CFAP77: variants seen among roughly 807,000 people sequenced by gnomAD.
CFAP77 encodes the protein cilia- and flagella-associated protein 77.
In CFAP77, 25 loss-of-function variants were observed where a neutral mutation model predicts 31.1. That is an observed-to-expected ratio of 0.80 (90% CI 0.59 to 1.12). CFAP77 has a LOEUF of 1.12. Ranked by LOEUF, CFAP77 falls within the 50% of genes most tolerant of loss-of-function variation. The pLI is 0.00. For missense variants in CFAP77, 377 were observed against 397.3 expected (o/e 0.95, Z 0.44); for synonymous variants, 151 against 159.9 (o/e 0.94, Z 0.42).
chr9:132,449,715 T>TA (rs532751626), intron 1 of CFAP77, among the ~76,000 whole-genome samples: 1 of 152,330 alleles, frequency 6.6e-6, no homozygotes, highest in Non-Finnish European at 1.5e-5. Context: ...ATTGTGGAGT[T>TA]ACATAATAAA....
intron 1 of CFAP77, among the ~76,000 whole-genome samples, chr9:132,483,686 T>C (rs2118912075): frequency 6.6e-6 from 1 of 152,276 alleles, no homozygotes; most frequent in South Asian, 2.1e-4. Flanking sequence ...GAGACTCAGA[T>C]GGAAACGGCC....
chr9:132,531,283 G>C (rs1436063324), intron 3 of CFAP77, among the ~76,000 whole-genome samples: 1 of 152,166 alleles, frequency 6.6e-6, no homozygotes, highest in African/African-American at 2.4e-5. Context: ...GTTCACACCA[G>C]ATATAAACCA....
At chr9:132,411,284 C>G (rs918349206) in intron 1 of CFAP77, among the ~76,000 whole-genome samples, 1 of 152,238 alleles carries the variant, frequency 6.6e-6, no homozygotes, top group Non-Finnish European at 1.5e-5. Flanking sequence ...CCCCGCGTCC[C>G]AGGTGCGGGA....
chr9:132,415,914 A>C (rs1226527292), intron 1 of CFAP77, among the ~76,000 whole-genome samples: 2 of 152,234 alleles, frequency 1.3e-5, no homozygotes, highest in African/African-American at 4.8e-5. Flanking sequence ...AAGTTTAATA[A>C]AAACATCAAG....
At chr9:132,486,090 ATTTT>A (rs1178281920) in intron 1 of CFAP77, among the ~76,000 whole-genome samples, 5 of 15,352 alleles carry the variant, frequency 3.3e-4, no homozygotes, top group African/African-American at 4.3e-4. Flanking sequence ...ATATATATAT[ATTTT>A]TTTTTTTTTT....
chr9:132,572,712 A>G lies in CFAP77; in HGVS notation c.*202A>G, dbSNP rs1829976421. On this transcript the variant is annotated 3_prime_UTR_variant, in exon 6 of 6. Coordinates refer to ENST00000393216, the MANE Select transcript of CFAP77 (RefSeq NM_001282957.2). Reference sequence around the variant, plus strand: ...CCAACATTAGTCTCCACTTAGCCCCAGTGACCCTCTACCTGGAGCCTCCTC... The same window carrying G: ...CCAACATTAGTCTCCACTTAGCCCCGGTGACCCTCTACCTGGAGCCTCCTC... 4 of 574,698 alleles carry G rather than the reference A, an allele frequency of 7.0e-6. No homozygotes were observed. Among genetic ancestry groups the G allele is most frequent in the South Asian group, 4.5e-5 (2 of 44,130 alleles). 35.6% of individuals were successfully genotyped at this position (574,698 alleles called of 1,614,324 possible).
At chr9:132,504,062 G>C (rs112567949) in intron 3 of CFAP77, among the ~76,000 whole-genome samples, 14 of 152,244 alleles carry the variant, frequency 9.2e-5, no homozygotes, top group African/African-American at 3.4e-4. Flanking sequence ...GAAAAGATTA[G>C]AACACAAAGG....
chr9:132,450,087 C>T (rs1045733824), intron 1 of CFAP77, among the ~76,000 whole-genome samples: 3 of 151,992 alleles, frequency 2.0e-5, no homozygotes, highest in Non-Finnish European at 2.9e-5. Flanking sequence ...CCCGCCACCA[C>T]GCCCGGCTAA....
intron 1 of CFAP77, among the ~76,000 whole-genome samples, chr9:132,473,178 C>A (rs1296151758): frequency 6.6e-6 from 1 of 152,112 alleles, no homozygotes; most frequent in Non-Finnish European, 1.5e-5. Flanking sequence ...AACTCGTTCA[C>A]CCCTAAGGGA....
chr9:132,501,427 CTCTG>C lies in CFAP77; in HGVS notation c.524+1834_524+1837del, dbSNP rs1444645882. 2.1e-5 allele frequency among the ~76,000 whole-genome samples: 3 copies of C among 145,412 alleles called. No homozygotes were observed. The highest frequency in any genetic ancestry group is 2.0e-4 in the East Asian group (1 of 5,016). On this transcript the variant is annotated intron_variant, in intron 3 of 5. Transcript: ENST00000393216. This position sits in a 1 kb window ranked among gnomAD's most constrained non-coding sequence, Gnocchi z 4.6. ...CTTTTTTTTTTTTTTTGGACAGTGT[CTCTG>C]TCTGTCCCCCAGGCTGGAGTGCAGT...
chr9:132,453,041 C>T (rs899498801), intron 1 of CFAP77, among the ~76,000 whole-genome samples: 2 of 152,152 alleles, frequency 1.3e-5, no homozygotes, highest in South Asian at 2.1e-4. Flanking sequence ...TCAGTCAACA[C>T]GAACCACTTG....
At chr9:132,418,550 A>C (rs999840569) in intron 1 of CFAP77, among the ~76,000 whole-genome samples, 1 of 152,094 alleles carries the variant, frequency 6.6e-6, no homozygotes, top group Admixed American at 6.5e-5. Context: ...CCTCTCATAC[A>C]CTTTATGGCT....
chr9:132,467,037 G>T (rs1254049003), intron 1 of CFAP77, among the ~76,000 whole-genome samples: 1 of 152,102 alleles, frequency 6.6e-6, no homozygotes, highest in Non-Finnish European at 1.5e-5. Flanking sequence ...AATTAGCCAG[G>T]CGTGGTGGCA....
chr9:132,478,178 C>T (rs536547513), intron 1 of CFAP77, among the ~76,000 whole-genome samples: 4 of 152,128 alleles, frequency 2.6e-5, no homozygotes, highest in Admixed American at 1.3e-4. Flanking sequence ...CTGCCCCATG[C>T]GCCTCTTCCC....
At chr9:132,451,343 A>AG (rs1454613318) in intron 1 of CFAP77, among the ~76,000 whole-genome samples, 3 of 151,514 alleles carry the variant, frequency 2.0e-5, no homozygotes, top group African/African-American at 7.3e-5. Context: ...CATCTTAAAA[A>AG]AAAAAAAAAA....
At position 132,513,325 on chromosome 9, in the gene CFAP77, G is replaced by A. The variant is rs571303640; in HGVS notation, c.524+13725G>A. 9.0e-6 allele frequency: 14 copies of A among 1,547,594 alleles called. No individual in the cohort carries two copies. The South Asian group carries it at 1.7e-4, about 19-fold the overall frequency. ...CTAACTCCCGTGAACCCACTACCTGGATTTAGCACGCTAACCATCTGGCCG... is the reference window on the plus strand; with the variant it reads ...CTAACTCCCGTGAACCCACTACCTGAATTTAGCACGCTAACCATCTGGCCG... On this transcript the variant is annotated intron_variant, in intron 3 of 5. Coordinates refer to ENST00000393216, the MANE Select transcript of CFAP77 (RefSeq NM_001282957.2).
At position 132,564,746 on chromosome 9, in the gene CFAP77, G is replaced by T. The variant is rs1299838956; in HGVS notation, c.733-7642G>T. ...GTGAAATGTCAAAGGTACAATTAAG[G>T]ATATCAATCAAATGAAAAGTTGGTT... On this transcript the variant is annotated intron_variant, in intron 5 of 5. Coordinates refer to ENST00000393216, the MANE Select transcript of CFAP77 (RefSeq NM_001282957.2). The surrounding 1 kb of genome is among the most constrained non-coding windows in gnomAD (Gnocchi z 4.6). Among the ~76,000 whole-genome samples, 4 of 152,322 alleles carry T rather than the reference G, an allele frequency of 2.6e-5. No homozygotes were observed. Among genetic ancestry groups the T allele is most frequent in the African/African-American group, 7.2e-5 (3 of 41,566 alleles).
chr9:132,411,860 TACAC>T (rs3079550), intron 1 of CFAP77, among the ~76,000 whole-genome samples: 126,356 of 149,578 alleles, frequency 0.84, 53,950 homozygotes, highest in East Asian at 0.94. Context: ...GAGCAATATG[TACAC>T]ACACACACAC....
At chr9:132,419,210 A>G (rs1371681799) in intron 1 of CFAP77, among the ~76,000 whole-genome samples, 1 of 152,226 alleles carries the variant, frequency 6.6e-6, no homozygotes, top group Non-Finnish European at 1.5e-5. Flanking sequence ...TTGGGAGACC[A>G]GTGAACTCAG....
Sources: allele counts gnomAD v4.1 joint callset (sites outside exome capture counted in the v4.1 genomes callset), GRCh38; gene constraint gnomAD v4.1.1; non-coding constraint Gnocchi (gnomAD v3.1); transcripts MANE v1.5; gene names NCBI Gene and HGNC (gene_info 2026-07-23, HGNC 2026-07-21).